GPR107: variants seen among roughly 807,000 people sequenced by gnomAD.
GPR107 encodes the protein protein GPR107.
GPR107 carries 31 observed loss-of-function variants against 75.5 expected under a neutral mutation model. The observed-to-expected ratio is 0.41, with a 90% CI of 0.31 to 0.55. The LOEUF (loss-of-function observed/expected upper bound fraction) is 0.55, where lower values mean the gene tolerates loss of function less well. GPR107 is among the 20% of genes least tolerant of loss of function. GPR107 has a pLI of 0.26. For synonymous variants in GPR107, 267 were observed against 251.3 expected (o/e 1.06, Z -0.59); for missense variants, 572 against 665.7 (o/e 0.86, Z 1.55).
chr9:130,132,202 C>G (rs1831843360), intron 17 of GPR107, among the ~76,000 whole-genome samples: 1 of 152,180 alleles, frequency 6.6e-6, no homozygotes. Context: ...CCCAGCCCTT[C>G]CTGTCCATTC....
At position 130,137,778 on chromosome 9, in the gene GPR107, T is replaced by A. The variant is rs1017336055; in HGVS notation, c.*2657T>A. 7.2e-5 allele frequency: 11 copies of A among 152,250 alleles called. No individual in the cohort carries two copies. The highest frequency in any genetic ancestry group is 2.7e-4 in the African/African-American group (11 of 41,468). The allele number at this position is 152,250 out of a possible 1,614,324, so 9.4% of individuals were successfully genotyped here. Reference sequence around the variant, plus strand: ...CCCTCCTGCAGCCTGAGTTTCACAGTCCACTGGGTTCGTTGTCATGCGGTG... The same window carrying A: ...CCCTCCTGCAGCCTGAGTTTCACAGACCACTGGGTTCGTTGTCATGCGGTG... On this transcript the variant is annotated 3_prime_UTR_variant, in exon 18 of 18. Transcript: ENST00000347136.
chr9:130,053,977 T>C lies in GPR107; in HGVS notation c.45T>C (p.Pro15=). 6.4e-7 allele frequency: 1 copy of C among 1,554,388 alleles called. No homozygotes were observed. The highest frequency in any genetic ancestry group is 8.7e-7 in the Non-Finnish European group (1 of 1,150,154). ...APVGSPASRG[P]RLAAGLRLLP... ...TCGGCTCCCCCGCCTCCCGCGGTCC[T>C]AGGCTGGCCGCGGGCCTCCGGCTGC... The change falls in exon 1 of 18, where the codon CCT becomes CCC. Residue 15 remains proline (P), a synonymous_variant. Transcript: ENST00000347136.
rs533681052 is a variant in GPR107, at chr9:130,090,612, ATTG to A, written c.622-259_622-257del. Among the ~76,000 whole-genome samples the A allele has an allele frequency of 3.8e-4, 58 of 152,316 alleles. No homozygotes were observed. The South Asian group carries it at 9.5e-3, about 25-fold the overall frequency. On this transcript the variant is annotated intron_variant, in intron 7 of 17. Coordinates refer to ENST00000347136, the MANE Select transcript of GPR107 (RefSeq NM_020960.5). ...TGTCAGCTGTTCTGTATGCTTGAAA[ATTG>A]TTGTAACAAAATATCGGAAGGGAAT...
At chr9:130,074,199 C>A (rs1463861014) in intron 1 of GPR107, among the ~76,000 whole-genome samples, 1 of 152,064 alleles carries the variant, frequency 6.6e-6, no homozygotes, top group Non-Finnish European at 1.5e-5. Context: ...CAAGAGTGGG[C>A]AGGAAAGAAA....
intron 7 of GPR107, among the ~76,000 whole-genome samples, chr9:130,087,210 A>T (rs1312430843): frequency 1.3e-5 from 2 of 151,338 alleles, no homozygotes; most frequent in African/African-American, 4.9e-5. Flanking sequence ...GCTAATTTTT[A>T]AATTTTTTGT....
intron 4 of GPR107, among the ~76,000 whole-genome samples, chr9:130,077,775 C>T (rs1171732923): frequency 6.6e-6 from 1 of 152,196 alleles, no homozygotes; most frequent in Non-Finnish European, 1.5e-5. Context: ...CACTCACCAG[C>T]CCTGTGACTC....
intron 10 of GPR107, among the ~76,000 whole-genome samples, chr9:130,099,775 CTTA>C (rs1320463683): frequency 1.5e-5 from 2 of 136,918 alleles, no homozygotes; most frequent in Admixed American, 7.7e-5. Flanking sequence ...TTCTAGAACA[CTTA>C]TTATTGTTTT....
Position 130,113,394 on chromosome 9 carries a change from G to T in GPR107, c.1306+5855G>T, listed in dbSNP as rs181818521. 2.9e-3 allele frequency among the ~76,000 whole-genome samples: 438 copies of T among 151,876 alleles called. 6 individuals carry two copies. Among genetic ancestry groups the T allele is most frequent in the African/African-American group, 0.01 (419 of 41,430 alleles). Reference sequence around the variant, plus strand: ...ACTACAGGTCTTTCCACCATGCCCGGCTAATTCTTATATTTTTTGTAGAGA... The same window carrying T: ...ACTACAGGTCTTTCCACCATGCCCGTCTAATTCTTATATTTTTTGTAGAGA... On this transcript the variant is annotated intron_variant, in intron 14 of 17. Coordinates refer to ENST00000347136, the MANE Select transcript of GPR107 (RefSeq NM_020960.5).
At chr9:130,102,428 G>A (rs899525019) in intron 12 of GPR107, among the ~76,000 whole-genome samples, 5 of 152,192 alleles carry the variant, frequency 3.3e-5, no homozygotes, top group African/African-American at 1.2e-4. Context: ...GTGGGGCATA[G>A]CCTTCCAGGA....
At chr9:130,102,724 C>T (rs758938562) in intron 12 of GPR107, among the ~76,000 whole-genome samples, 17 of 152,162 alleles carry the variant, frequency 1.1e-4, no homozygotes, top group Non-Finnish European at 2.2e-4. Flanking sequence ...GTCTCTCATG[C>T]AGTGTGTGAA....
In GPR107 at chr9:130,134,277, C is replaced by T. The variant is rs573848469; in HGVS notation, c.1563-748C>T. Among the ~76,000 whole-genome samples, 272 of 152,280 alleles carry T rather than the reference C, an allele frequency of 1.8e-3. 2 individuals are homozygous for T. The highest frequency in any genetic ancestry group is 2.2e-3 in the Non-Finnish European group (147 of 68,020). On this transcript the variant is annotated intron_variant, in intron 17 of 17. Transcript: ENST00000347136. ...ATTATCCTCTTGAGAAGGTGGGGCC[C>T]GTGCATGTGATTCCTTCTAATGGAA... is the stretch of plus-strand genomic sequence containing the variant.
rs1589471852 is a variant in GPR107 at position 130,054,213 on chromosome 9, C to T, written c.141+140C>T. On this transcript the variant is annotated intron_variant, in intron 1 of 17. Coordinates refer to ENST00000347136, the MANE Select transcript of GPR107 (RefSeq NM_020960.5). ...GCTGCGGCCTTTCACTGACAGGTGG[C>T]GGGGTCTGTGGGGAAGGCGGGTCTG... 5.2e-5 allele frequency: 45 copies of T among 862,956 alleles called. No homozygotes were observed. The South Asian group carries it at 7.4e-4, about 14-fold the overall frequency. 53.5% of individuals were successfully genotyped at this position (862,956 alleles called of 1,614,324 possible). A position where few individuals can be genotyped will look rare whatever the true frequency, so the allele number is the denominator to read the frequency against.
chr9:130,056,750 C>T (rs368276305), intron 1 of GPR107, among the ~76,000 whole-genome samples: 1 of 151,132 alleles, frequency 6.6e-6, no homozygotes, highest in African/African-American at 2.4e-5. Flanking sequence ...AAGGTGAAAC[C>T]CCGTCTCTAC....
intron 1 of GPR107, among the ~76,000 whole-genome samples, chr9:130,072,526 C>T (rs1434677071): frequency 1.3e-5 from 2 of 152,048 alleles, no homozygotes; most frequent in Non-Finnish European, 2.9e-5. Flanking sequence ...GCCTTGATCT[C>T]GAACTCTTGA....
At chr9:130,100,506 C>T (rs1445224299) in intron 10 of GPR107, 123 bp from the exon 11 acceptor site, 22 of 743,508 alleles carry the variant, frequency 3.0e-5, no homozygotes, top group Non-Finnish European at 4.8e-5. Flanking sequence ...AATAATATAT[C>T]CAGTGGCAGC....
intron 10 of GPR107, 31 bp downstream of exon 10, chr9:130,099,563 G>A (rs892849452): frequency 1.6e-6 from 2 of 1,256,610 alleles, no homozygotes; most frequent in Non-Finnish European, 2.3e-6. Flanking sequence ...GATCATTCAT[G>A]AAATTACGTA....
At chr9:130,102,947 C>A (rs1831071684) in intron 12 of GPR107, among the ~76,000 whole-genome samples, 1 of 66,670 alleles carries the variant, frequency 1.5e-5, no homozygotes, top group East Asian at 4.7e-4. Context: ...TCACACCTGA[C>A]TAATTTTTAA....
At chr9:130,133,838 T>G (rs782560393) in intron 17 of GPR107, among the ~76,000 whole-genome samples, 2 of 152,194 alleles carry the variant, frequency 1.3e-5, no homozygotes, top group Non-Finnish European at 2.9e-5. Flanking sequence ...TCTTTGAGCC[T>G]GGGCATGGTA....
chr9:130,100,553 T>TCA, intron 10 of GPR107, 76 bp from the exon 11 acceptor site: 2 of 1,051,880 alleles, frequency 1.9e-6, no homozygotes, highest in Middle Eastern at 2.0e-4. Context: ...ATTTCCCAAA[T>TCA]GGGTCCAAGT....
Sources: allele counts gnomAD v4.1 joint callset (sites outside exome capture counted in the v4.1 genomes callset), GRCh38; gene constraint gnomAD v4.1.1; transcripts MANE v1.5; gene names NCBI Gene and HGNC (gene_info 2026-07-23, HGNC 2026-07-21).